LARP1: variants seen among roughly 807,000 people sequenced by gnomAD.
LARP1 encodes the protein la-related protein 1.
In LARP1, 36 loss-of-function variants were observed where a neutral mutation model predicts 122.7. The observed-to-expected ratio is 0.29, with a 90% CI of 0.22 to 0.39. LARP1 has a LOEUF of 0.39. LARP1 is among the 10% of genes least tolerant of loss of function. The probability of loss-of-function intolerance (pLI) is 1.00; values close to 1 mark genes in which losing one functional copy is unlikely to be tolerated. For missense variants in LARP1, 1,040 were observed against 1,403.6 expected, an observed-to-expected ratio of 0.74 and a Z score of 4.14; for synonymous variants, 539 against 528.7, an observed-to-expected ratio of 1.02 and a Z score of -0.27.
upstream of LARP1, among the ~76,000 whole-genome samples, chr5:154,711,034 G>T (rs999084277): frequency 6.6e-6 from 1 of 151,958 alleles, no homozygotes; most frequent in Admixed American, 6.6e-5. Context: ...CCACAGGAAG[G>T]GTCTGTGCTG....
chr5:154,803,231 A>G lies in LARP1; in HGVS notation c.2110-59A>G. 1 of 1,606,070 alleles carries G rather than the reference A, an allele frequency of 6.2e-7. No individual in the cohort carries two copies. The highest frequency in any genetic ancestry group is 8.5e-7 in the Non-Finnish European group (1 of 1,173,346). On this transcript the variant is annotated intron_variant, in intron 11 of 18. Coordinates refer to ENST00000518297, the MANE Select transcript of LARP1 (RefSeq NM_033551.3). This position sits in a 1 kb window ranked among gnomAD's most constrained non-coding sequence, Gnocchi z 4.4. The stretch of plus-strand genomic sequence containing the variant: ...CTTCCTGCCAGTCTTGATTCCTTAA[A>G]CAGGCTAGAGCAGCCTGCTTACTTA...
chr5:154,697,829 T>G (rs915994542), intron 1 of LARP1, among the ~76,000 whole-genome samples: 2 of 152,096 alleles, frequency 1.3e-5, no homozygotes, highest in Non-Finnish European at 2.9e-5. Flanking sequence ...TGTTTGTTGT[T>G]GTTGTTGTTT....
Position 154,802,386 on chromosome 5 carries a change from A to G in LARP1, c.2096A>G (p.Tyr699Cys). Residue 699 changes from tyrosine to cysteine, a missense_variant, in exon 11 of 19, where the codon TAT (tyrosine) becomes TGT (cysteine). Physicochemically the swap from Tyr to Cys is radical, Grantham distance 194 (BLOSUM62 -2). This residue lies in a region of LARP1 where 362 missense variants were observed against 533.1 expected (regional missense o/e 0.68). Coordinates refer to ENST00000518297, the MANE Select transcript of LARP1 (RefSeq NM_033551.3). The surrounding 1 kb of genome is among the most constrained non-coding windows in gnomAD (Gnocchi z 5.1). ...DLWAEKFEPE[Y>C]SQIKQEVENF... ...TGGGCTGAAAAGTTTGAACCTGAGT[A>G]TTCCCAGATCAAGGTGAGGCTTGGA... is the stretch of plus-strand genomic sequence containing the variant. The G allele has an allele frequency of 6.2e-7, 1 of 1,602,490 alleles. No individual in the cohort carries two copies. Among genetic ancestry groups the G allele is most frequent in the South Asian group, 1.1e-5 (1 of 89,024 alleles).
chr5:154,693,854 TAAAA>T (rs36035997), intron 1 of LARP1, among the ~76,000 whole-genome samples: 9 of 130,290 alleles, frequency 6.9e-5, no homozygotes, highest in African/African-American at 6.0e-5. Flanking sequence ...AGACTCCGTC[TAAAA>T]AAAAAAAAAA....
intron 1 of LARP1, among the ~76,000 whole-genome samples, chr5:154,722,391 G>A (rs1426996444): frequency 1.3e-5 from 2 of 152,176 alleles, no homozygotes; most frequent in South Asian, 2.1e-4. Context: ...CCCCAGGCTG[G>A]TGGGTGGGCA....
intron 1 of LARP1, among the ~76,000 whole-genome samples, chr5:154,769,041 A>G (rs1449820300): frequency 6.6e-6 from 1 of 151,580 alleles, no homozygotes; most frequent in African/African-American, 2.4e-5. Flanking sequence ...GTTTTGCCAC[A>G]CTGGCCAGGC....
Position 154,816,569 on chromosome 5 carries a change from CAT to C in LARP1, c.*2474_*2475del, listed in dbSNP as rs2113093569. On this transcript the variant is annotated 3_prime_UTR_variant, in exon 19 of 19. Coordinates refer to ENST00000518297, the MANE Select transcript of LARP1 (RefSeq NM_033551.3). ...TTGTTTTTGTTTTTGTTTTTGGTAA[CAT>C]GTTAGGAGTTAATGTTGCAAAGAGT... 1 of 152,302 alleles carries C rather than the reference CAT, an allele frequency of 6.6e-6. No homozygotes were observed. Among genetic ancestry groups the C allele is most frequent in the Non-Finnish European group, 1.5e-5 (1 of 68,030 alleles). The allele number at this position is 152,302 out of a possible 1,614,324, so 9.4% of individuals were successfully genotyped here.
In LARP1 at chr5:154,734,796, C is replaced by T. The variant is rs977336939; in HGVS notation, c.205+21666C>T. Among the ~76,000 whole-genome samples, 14 of 152,086 alleles carry T rather than the reference C, an allele frequency of 9.2e-5. 1 individual carries two copies. Among genetic ancestry groups the T allele is most frequent in the Non-Finnish European group, 1.6e-4 (11 of 68,004 alleles). On this transcript the variant is annotated intron_variant, in intron 1 of 18. Transcript: ENST00000336314. Reference sequence around the variant, plus strand: ...ACTTTTTTATCTTGCTAAACTGAAACTCTGCACCCATTAAAAAACAACTTC... The same window carrying T: ...ACTTTTTTATCTTGCTAAACTGAAATTCTGCACCCATTAAAAAACAACTTC...
chr5:154,779,585 C>T lies in LARP1; in HGVS notation c.437-10740C>T, dbSNP rs1325731146. The stretch of plus-strand genomic sequence containing the variant: ...GTGCAGTGGCGCAATCTCGGCTCAC[C>T]GCAACCTCCACCTCCCGGATTCAAG... On this transcript the variant is annotated intron_variant, in intron 1 of 18. Transcript: ENST00000518297. Among the ~76,000 whole-genome samples the T allele has an allele frequency of 4.6e-5, 7 of 150,886 alleles. No homozygotes were observed. In the South Asian group the frequency reaches 6.3e-4, roughly 14 times the overall value.
At chr5:154,813,664 G>C (rs370039382) in intron 18 of LARP1, among the ~76,000 whole-genome samples, 2 of 152,176 alleles carry the variant, frequency 1.3e-5, no homozygotes, top group East Asian at 3.9e-4. Context: ...GATGTCCATG[G>C]GTCCACATCA....
intron 1 of LARP1, among the ~76,000 whole-genome samples, chr5:154,769,491 T>A (rs1206169275): frequency 1.3e-5 from 2 of 152,166 alleles, no homozygotes; most frequent in Non-Finnish European, 2.9e-5. Context: ...CTTTAAGGTC[T>A]TAGGGTAGGA....
chr5:154,766,809 G>GT (rs1754993195), intron 1 of LARP1, among the ~76,000 whole-genome samples: 2 of 152,206 alleles, frequency 1.3e-5, no homozygotes. Context: ...GCTATAGTTA[G>GT]GCTTACCCAG....
intron 1 of LARP1, among the ~76,000 whole-genome samples, chr5:154,781,116 C>A (rs1020884842): frequency 6.6e-6 from 1 of 152,026 alleles, no homozygotes; most frequent in Non-Finnish European, 1.5e-5. Context: ...TGGCTGACCA[C>A]CAAGGACAGG....
At chr5:154,765,174 C>T (rs1259881954) in intron 1 of LARP1, among the ~76,000 whole-genome samples, 1 of 152,056 alleles carries the variant, frequency 6.6e-6, no homozygotes, top group East Asian at 1.9e-4. Flanking sequence ...CATCACTTGC[C>T]CCTTCTTCAC....
intron 14 of LARP1, chr5:154,805,221 TA>T (rs1561629551): frequency 4.1e-6 from 1 of 243,236 alleles, no homozygotes; most frequent in Non-Finnish European, 8.1e-6. Flanking sequence ...GAACCTAAAA[TA>T]AAAGTTAAAA....
chr5:154,706,395 GTCCTTTGCAGCAACATGGA>G, intron 1 of LARP1, among the ~76,000 whole-genome samples: 2 of 151,862 alleles, frequency 1.3e-5, no homozygotes. Flanking sequence ...ATGAAATCAT[GTCCTTTGCAGCAACATGGA>G]TGGAGCTGGA....
chr5:154,731,718 G>A (rs1160376738), intron 1 of LARP1, among the ~76,000 whole-genome samples: 2 of 152,090 alleles, frequency 1.3e-5, no homozygotes, highest in Non-Finnish European at 2.9e-5. Context: ...CATTGGTAGA[G>A]GCATTTAAAA....
chr5:154,771,112 A>T (rs1755389274), intron 1 of LARP1, among the ~76,000 whole-genome samples: 1 of 144,360 alleles, frequency 6.9e-6, no homozygotes, highest in South Asian at 2.2e-4. Flanking sequence ...ACTGTGTCTC[A>T]AAAGAAAAAA....
At chr5:154,775,511 G>A (rs62382166) in intron 1 of LARP1, among the ~76,000 whole-genome samples, 2 of 149,220 alleles carry the variant, frequency 1.3e-5, no homozygotes, top group African/African-American at 4.9e-5. Context: ...AAAAAAAAAG[G>A]CGACTCCCCT....
Sources: allele counts gnomAD v4.1 joint callset (sites outside exome capture counted in the v4.1 genomes callset), GRCh38; gene constraint gnomAD v4.1.1; regional missense constraint gnomAD v4.1.1; non-coding constraint Gnocchi (gnomAD v3.1); transcripts MANE v1.5; gene names NCBI Gene and HGNC (gene_info 2026-07-23, HGNC 2026-07-21).